RBFOX1: variants seen among roughly 807,000 people sequenced by gnomAD.
The protein encoded by RBFOX1 is RNA binding protein fox-1 homolog 1.
RBFOX1 carries 8 observed loss-of-function variants against 57.7 expected under a neutral mutation model. The observed-to-expected ratio is 0.14, with a 90% CI of 0.08 to 0.25. RBFOX1 has a LOEUF of 0.25. Among genes scored for constraint, RBFOX1 ranks in the 10% least tolerant of loss-of-function variants. The probability of loss-of-function intolerance (pLI) is 1.00; values close to 1 mark genes in which losing one functional copy is unlikely to be tolerated. For synonymous variants in RBFOX1, 326 were observed against 222.4 expected (o/e 1.47, Z -4.15); for missense variants, 611 against 548.5 (o/e 1.11, Z -1.14).
intron 4 of RBFOX1, among the ~76,000 whole-genome samples, chr16:7,182,058 T>G (rs562964443): frequency 6.6e-6 from 1 of 152,248 alleles, no homozygotes; most frequent in Non-Finnish European, 1.5e-5. Context: ...TAATCTTCAC[T>G]GATAAACTGA....
At chr16:6,091,484 G>A (rs2096173029) in intron 1 of RBFOX1, among the ~76,000 whole-genome samples, 1 of 151,864 alleles carries the variant, frequency 6.6e-6, no homozygotes, top group Admixed American at 6.6e-5. Context: ...CTATTTTATT[G>A]TCACTTTATC....
chr16:5,811,806 C>T (rs1176497775), intron 3 of RBFOX1, among the ~76,000 whole-genome samples: 1 of 152,120 alleles, frequency 6.6e-6, no homozygotes, highest in Non-Finnish European at 1.5e-5. Flanking sequence ...TAATATTCAC[C>T]TATTGTTTCT....
chr16:7,703,588 T>G (rs1337713645), intron 14 of RBFOX1, among the ~76,000 whole-genome samples: 1 of 152,128 alleles, frequency 6.6e-6, no homozygotes. Context: ...ATAAGAAAAT[T>G]ATGTTAAAAC....
At chr16:6,635,690 T>C (rs551987525) in intron 2 of RBFOX1, among the ~76,000 whole-genome samples, 38 of 152,298 alleles carry the variant, frequency 2.5e-4, no homozygotes, top group African/African-American at 9.1e-4. Context: ...TACGGTTTTG[T>C]GAATTCAAAA....
At chr16:7,566,443 AC>A (rs2091706347) in intron 5 of RBFOX1, among the ~76,000 whole-genome samples, 1 of 152,138 alleles carries the variant, frequency 6.6e-6, no homozygotes, top group Non-Finnish European at 1.5e-5. Flanking sequence ...TTTCACCTTG[AC>A]CTTGAAAGGC....
intron 4 of RBFOX1, among the ~76,000 whole-genome samples, chr16:5,998,770 CCTT>C (rs1188793992): frequency 1.3e-5 from 2 of 152,172 alleles, no homozygotes; most frequent in East Asian, 1.9e-4. Flanking sequence ...TTCGCATACT[CCTT>C]CTGGTCTGTC....
chr16:6,197,233 G>T (rs970675263), intron 1 of RBFOX1, among the ~76,000 whole-genome samples: 8 of 151,996 alleles, frequency 5.3e-5, no homozygotes, highest in Non-Finnish European at 8.8e-5. Context: ...AGCATCTCTT[G>T]GTGACTCCCC....
intron 1 of RBFOX1, among the ~76,000 whole-genome samples, chr16:5,382,462 A>G (rs2066155087): frequency 6.6e-6 from 1 of 151,578 alleles, no homozygotes. Context: ...TCTGGTATCT[A>G]CATATAATGG....
chr16:5,836,718 C>G (rs1266641960), intron 3 of RBFOX1, among the ~76,000 whole-genome samples: 1 of 152,194 alleles, frequency 6.6e-6, no homozygotes, highest in Non-Finnish European at 1.5e-5. Context: ...AGCAGCATCC[C>G]TGGCCTCTAC....
chr16:5,922,115 C>T (rs143151738), intron 4 of RBFOX1, among the ~76,000 whole-genome samples: 32 of 152,194 alleles, frequency 2.1e-4, no homozygotes, highest in African/African-American at 6.7e-4. Flanking sequence ...GAGCTCTGAT[C>T]GCACCACTGC....
In RBFOX1 at chr16:5,793,252, C is replaced by G. The variant is rs189760201; in HGVS notation, c.319-74051C>G. Among the ~76,000 whole-genome samples the G allele has an allele frequency of 3.9e-3, 595 of 152,344 alleles. 4 individuals are homozygous for G. The highest frequency in any genetic ancestry group is 0.014 in the African/African-American group (568 of 41,584). ...GTGCTGACCGGCTCCTTTTGCCCACCGTGGGCAGCCCTGGCTGCCTCTGCT... is the reference window on the plus strand; with the variant it reads ...GTGCTGACCGGCTCCTTTTGCCCACGGTGGGCAGCCCTGGCTGCCTCTGCT... On this transcript the variant is annotated intron_variant, in intron 3 of 19. Coordinates refer to the RBFOX1 transcript ENST00000641259.
intron 3 of RBFOX1, among the ~76,000 whole-genome samples, chr16:6,945,476 T>C (rs962518065): frequency 1.1e-4 from 17 of 152,328 alleles, no homozygotes; most frequent in African/African-American, 3.8e-4. Flanking sequence ...TTTGATTTTT[T>C]TTTTTGTAAA....
chr16:6,796,093 C>T (rs1401718377), intron 3 of RBFOX1, among the ~76,000 whole-genome samples: 12 of 149,680 alleles, frequency 8.0e-5, no homozygotes, highest in Non-Finnish European at 1.8e-4. Flanking sequence ...CTTACATTTC[C>T]ACGTGGCTGG....
chr16:7,525,370 G>C (rs2078459857), intron 5 of RBFOX1, among the ~76,000 whole-genome samples: 1 of 152,054 alleles, frequency 6.6e-6, no homozygotes, highest in African/African-American at 2.4e-5. Flanking sequence ...GTTTAATCTT[G>C]CACTGTTGAT....
chr16:7,331,732 T>A (rs985137400), intron 4 of RBFOX1, among the ~76,000 whole-genome samples: 4 of 152,140 alleles, frequency 2.6e-5, no homozygotes, highest in Non-Finnish European at 4.4e-5. Context: ...AGAGGCTAAG[T>A]AACTTGTTCA....
At chr16:6,362,485 C>T (rs1213926750) in intron 2 of RBFOX1, among the ~76,000 whole-genome samples, 8 of 152,126 alleles carry the variant, frequency 5.3e-5, no homozygotes, top group South Asian at 2.1e-4. Context: ...GCCACCTGCT[C>T]GTATGTCATC....
chr16:5,311,802 G>A (rs116555898), intron 1 of RBFOX1, among the ~76,000 whole-genome samples: 15 of 152,154 alleles, frequency 9.9e-5, no homozygotes, highest in African/African-American at 2.4e-4. Flanking sequence ...TTACAGATGC[G>A]TTGGCCTCTT....
chr16:5,455,025 C>CTT lies in RBFOX1; in HGVS notation c.220-12190_220-12189insTT, dbSNP rs1178366526. On this transcript the variant is annotated intron_variant, in intron 1 of 2. Coordinates refer to the RBFOX1 transcript ENST00000585867. ...TTTCTTTCTTTCTTTCTTTCTTTCT[C>CTT]TCTCTCTGTCTGTCTCTCTTTCTTT... Among the ~76,000 whole-genome samples the CTT allele has an allele frequency of 3.4e-3, 270 of 79,324 alleles. 4 individuals carry two copies. The highest frequency in any genetic ancestry group is 5.6e-3 in the Admixed American group (37 of 6,618). The allele number at this position is 79,324 out of a possible 152,430, so 52.0% of individuals were successfully genotyped here.
intron 4 of RBFOX1, among the ~76,000 whole-genome samples, chr16:7,215,182 G>T (rs1249366394): frequency 6.6e-6 from 1 of 152,140 alleles, no homozygotes; most frequent in Non-Finnish European, 1.5e-5. Flanking sequence ...TCCTGTGTTA[G>T]TTTGCTGAGG....
Sources: gnomAD v4.1 joint callset for allele counts (sites outside exome capture counted in the v4.1 genomes callset) on GRCh38, gnomAD v4.1.1 for gene constraint, MANE v1.5 for transcripts, NCBI Gene and HGNC (gene_info 2026-07-23, HGNC 2026-07-21) for gene names.